GEMIN5: variants seen among roughly 807,000 people sequenced by gnomAD.
GEMIN5 encodes gem nuclear organelle associated protein 5.
GEMIN5 carries 124 observed loss-of-function variants against 176.9 expected under a neutral mutation model. The observed-to-expected ratio is 0.70, with a 90% CI of 0.61 to 0.81. The LOEUF (loss-of-function observed/expected upper bound fraction) is 0.81. Among genes scored for constraint, GEMIN5 ranks in the 40% least tolerant of loss-of-function variants. The pLI is 0.00. For missense variants in GEMIN5, 1,843 were observed against 1,814.6 expected (o/e 1.02, Z -0.28); for synonymous variants, 673 against 665.2 (o/e 1.01, Z -0.18).
chr5:154,930,973 T>TA lies in GEMIN5; in HGVS notation c.781+484dup, dbSNP rs552435505. On this transcript the variant is annotated intron_variant, in intron 5 of 27. Coordinates refer to ENST00000285873, the MANE Select transcript of GEMIN5 (RefSeq NM_015465.5). Reference sequence around the variant, plus strand: ...TAGAGTTTCTCTCAATTTTTAAACTTAAAGATAAAAGTTCTGTTCAAAGAG... The same window carrying TA: ...TAGAGTTTCTCTCAATTTTTAAACTTAAAAGATAAAAGTTCTGTTCAAAGAG... 1.6e-3 allele frequency among the ~76,000 whole-genome samples: 249 copies of TA among 152,332 alleles called. 2 individuals are homozygous for TA. The highest frequency in any genetic ancestry group is 5.8e-3 in the African/African-American group (243 of 41,574).
At chr5:154,925,819 G>GAA in intron 8 of GEMIN5, 43 bp downstream of exon 8, 16 of 1,010,666 alleles carry the variant, frequency 1.6e-5, no homozygotes, top group Non-Finnish European at 2.2e-5. Context: ...GAATTATTTG[G>GAA]AAAAAAAAAA....
chr5:154,917,021 A>T lies in GEMIN5; in HGVS notation c.1832T>A (p.Val611Glu), dbSNP rs745525920. ...ACCTATGACAGTCTTCAGGTTGTGC[A>T]CGTAAATGACTGCATTGTTGGAGCC... ...ASGSNNAVIY[V>E]HNLKTVIESS... Residue 611 changes from valine to glutamate, a missense_variant, in exon 13 of 28, where the codon GTG becomes GAG. Val to Glu is a moderately radical substitution (Grantham distance 121). Coordinates refer to ENST00000285873, the MANE Select transcript of GEMIN5 (RefSeq NM_015465.5). 1 of 1,591,954 alleles carries T rather than the reference A, an allele frequency of 6.3e-7. No individual in the cohort carries two copies. Among genetic ancestry groups the T allele is most frequent in the South Asian group, 1.1e-5 (1 of 89,220 alleles).
intron 25 of GEMIN5, 112 bp from the exon 26 acceptor site, chr5:154,891,854 A>C: frequency 9.5e-7 from 1 of 1,052,794 alleles, no homozygotes; most frequent in Non-Finnish European, 1.4e-6. Flanking sequence ...CCCCAGGAAA[A>C]AGGACAACAG....
At chr5:154,907,070 C>T (rs563490803) in intron 16 of GEMIN5, among the ~76,000 whole-genome samples, 3 of 152,236 alleles carry the variant, frequency 2.0e-5, no homozygotes, top group African/African-American at 7.2e-5. Context: ...ATCTGAGAGC[C>T]ATCACTACAG....
At chr5:154,933,757 T>A (rs2113515724) in intron 3 of GEMIN5, among the ~76,000 whole-genome samples, 1 of 152,298 alleles carries the variant, frequency 6.6e-6, no homozygotes, top group South Asian at 2.1e-4. Context: ...TGCCAAGTTA[T>A]GCAACCTAAT....
At chr5:154,923,195 G>A (rs538163695) in intron 9 of GEMIN5, among the ~76,000 whole-genome samples, 4 of 152,104 alleles carry the variant, frequency 2.6e-5, no homozygotes, top group African/African-American at 7.2e-5. Context: ...TGACCAACAC[G>A]GAGAAACCCT....
At position 154,924,681 on chromosome 5, in the gene GEMIN5, G is replaced by A. The variant is rs956495211; in HGVS notation, c.1294-127C>T. The A allele has an allele frequency of 1.1e-5, 7 of 664,140 alleles. No homozygotes were observed. In the African/African-American group the frequency reaches 1.1e-4, roughly 10 times the overall value. The allele number at this position is 664,140 out of a possible 1,614,324, so 41.1% of individuals were successfully genotyped here. A position where few individuals can be genotyped will look rare whatever the true frequency, so the allele number is the denominator to read the frequency against. ...GCTCTGATTTCTTCATTATTTAAAG[G>A]AGAAAAAGGGTATTAAAAACAAAGT... is the stretch of plus-strand genomic sequence containing the variant. On this transcript the variant is annotated intron_variant, in intron 8 of 27. Transcript: ENST00000285873.
chr5:154,902,842 T>C (rs1168699632), intron 19 of GEMIN5, among the ~76,000 whole-genome samples, 166 bp from the exon 20 acceptor site: 1 of 152,204 alleles, frequency 6.6e-6, no homozygotes. Context: ...TGAAGCCCAC[T>C]TGGTCACTGT....
At chr5:154,900,433 A>G (rs995285333) in intron 21 of GEMIN5, among the ~76,000 whole-genome samples, 1 of 152,228 alleles carries the variant, frequency 6.6e-6, no homozygotes, top group Non-Finnish European at 1.5e-5. Flanking sequence ...CCATAAAACT[A>G]AAAAACTGGA....
intron 24 of GEMIN5, among the ~76,000 whole-genome samples, chr5:154,893,791 T>C (rs1372429865): frequency 6.6e-6 from 1 of 152,206 alleles, no homozygotes; most frequent in African/African-American, 2.4e-5. Context: ...TCGCCCAGGC[T>C]GGAGTGCAGT....
At chr5:154,911,581 C>T in intron 15 of GEMIN5, 146 bp downstream of exon 15, 1 of 622,454 alleles carries the variant, frequency 1.6e-6, no homozygotes, top group Non-Finnish European at 2.8e-6. Context: ...TTCTCAAGCC[C>T]TTGTGGCTGC....
At chr5:154,909,863 C>T (rs1387516592) in intron 15 of GEMIN5, among the ~76,000 whole-genome samples, 1 of 151,974 alleles carries the variant, frequency 6.6e-6, no homozygotes, top group African/African-American at 2.4e-5. Context: ...CCTATAGTCA[C>T]AGCTACTCAA....
At chr5:154,914,874 A>T (rs1371977563) in intron 13 of GEMIN5, among the ~76,000 whole-genome samples, 1 of 152,244 alleles carries the variant, frequency 6.6e-6, no homozygotes, top group Non-Finnish European at 1.5e-5. Flanking sequence ...ACGCACACAG[A>T]ATAAAGCCAA....
intron 27 of GEMIN5, among the ~76,000 whole-genome samples, 196 bp from the exon 28 acceptor site, chr5:154,888,573 T>C (rs1013333506): frequency 6.6e-6 from 1 of 152,196 alleles, no homozygotes; most frequent in African/African-American, 2.4e-5. Context: ...AAAACTAGGA[T>C]GGCTACTGCG....
At position 154,924,592 on chromosome 5, in the gene GEMIN5, G is replaced by C. The variant is rs1486848770; in HGVS notation, c.1294-38C>G. ...GAGTTTCCAAGTGAGAATATAAGAA[G>C]TGGGGCATATAGTTAAAGGAATCCT... On this transcript the variant is annotated intron_variant, in intron 8 of 27. Transcript: ENST00000285873. The C allele has an allele frequency of 2.4e-6, 3 of 1,260,626 alleles. No homozygotes were observed. The South Asian group carries it at 3.6e-5, about 15-fold the overall frequency. 78.1% of individuals were successfully genotyped at this position (1,260,626 alleles called of 1,614,324 possible).
chr5:154,914,628 C>T (rs1350929903), intron 13 of GEMIN5, among the ~76,000 whole-genome samples: 1 of 151,738 alleles, frequency 6.6e-6, no homozygotes, highest in Non-Finnish European at 1.5e-5. Flanking sequence ...ATCCTCCCAC[C>T]TCAGCCTGTG....
At chr5:154,921,905 T>G (rs760026255) in intron 9 of GEMIN5, among the ~76,000 whole-genome samples, 1 of 152,202 alleles carries the variant, frequency 6.6e-6, no homozygotes, top group Non-Finnish European at 1.5e-5. Flanking sequence ...TTTTGAAGGT[T>G]GTTGTGGTAA....
intron 23 of GEMIN5, among the ~76,000 whole-genome samples, chr5:154,896,553 C>A (rs1314272429): frequency 6.6e-6 from 1 of 152,156 alleles, no homozygotes; most frequent in East Asian, 1.9e-4. Flanking sequence ...TGGGGGAAAT[C>A]TATCCTTAGA....
chr5:154,917,856 A>G, intron 12 of GEMIN5, 75 bp downstream of exon 12: 1 of 946,014 alleles, frequency 1.1e-6, no homozygotes, highest in Non-Finnish European at 1.7e-6. Flanking sequence ...CTAACATTAC[A>G]GATGGCATTA....
Sources: gnomAD v4.1 joint callset for allele counts (sites outside exome capture counted in the v4.1 genomes callset) on GRCh38, gnomAD v4.1.1 for gene constraint, MANE v1.5 for transcripts, NCBI Gene and HGNC (gene_info 2026-07-23, HGNC 2026-07-21) for gene names.